NEB: variants seen among roughly 807,000 people sequenced by gnomAD.
NEB encodes the protein nebulin, also known as nemaline myopathy type 2.
A neutral mutation model predicts 952.2 loss-of-function variants in NEB; 512 were observed. The observed-to-expected ratio is 0.54, with a 90% CI of 0.50 to 0.58. The LOEUF is 0.58. Among genes scored for constraint, NEB ranks in the 20% least tolerant of loss-of-function variants. The pLI, the probability that NEB is intolerant of heterozygous loss-of-function variation, is 0.00. For synonymous variants in NEB, 2,900 were observed against 3,149.8 expected (o/e 0.92, Z 2.66); for missense variants, 8,428 against 9,231.1 (o/e 0.91, Z 3.56).
At chr2:151,591,913 A>G in intron 95 of NEB, 121 bp downstream of exon 95, 1 of 1,403,576 alleles carries the variant, frequency 7.1e-7, no homozygotes, top group Non-Finnish European at 9.9e-7. Context: ...ATTAACTTAA[A>G]GACTAGAAAT....
chr2:151,574,252 G>C (rs902371141), intron 107 of NEB, among the ~76,000 whole-genome samples: 1 of 152,200 alleles, frequency 6.6e-6, no homozygotes, highest in Admixed American at 6.5e-5. Context: ...GGGATTACAG[G>C]CGTGAGCCAT....
In NEB at chr2:151,684,780, C is replaced by T. The variant is rs549231016; in HGVS notation, c.2833G>A (p.Asp945Asn). 1.0e-5 allele frequency: 16 copies of T among 1,572,468 alleles called. No individual in the cohort carries two copies. In the East Asian group the frequency reaches 1.6e-4, roughly 16 times the overall value. Residue 945 changes from aspartate (D) to asparagine (N), a missense_variant and splice_region_variant, in exon 28 of 182, where the codon GAT becomes AAT. By Grantham distance (23) the Asp-to-Asn change is conservative (BLOSUM62 1). This residue lies in a region of NEB where 2,851 missense variants were observed against 2,791.5 expected (regional missense o/e 1.02). Coordinates refer to ENST00000397345, the MANE Select transcript of NEB (RefSeq NM_001164508.2). ...LAKKAYALQS[D>N]VEYKADYNSW... is the part of the protein sequence containing the mutation. ...CTACAGAAACCCTGGTTACTCACAT[C>T]GCTCTGCAGCGCATATGCCTTCTTG...
chr2:151,640,276 T>G, intron 61 of NEB, 79 bp downstream of exon 61: 1 of 1,566,746 alleles, frequency 6.4e-7, no homozygotes, highest in Non-Finnish European at 8.7e-7. Context: ...GGTGAGCTTG[T>G]GCCATATATT....
At chr2:151,521,787 T>A (rs2082141091) in intron 153 of NEB, among the ~76,000 whole-genome samples, 1 of 152,226 alleles carries the variant, frequency 6.6e-6, no homozygotes, top group South Asian at 2.1e-4. Context: ...GGCTCCCTTC[T>A]CCATAGGAAG....
chr2:151,647,052 T>G (rs1226565548), intron 54 of NEB, among the ~76,000 whole-genome samples: 1 of 151,706 alleles, frequency 6.6e-6, no homozygotes, highest in African/African-American at 2.4e-5. Flanking sequence ...GCCATCCTTA[T>G]GTCTCTTCAA....
chr2:151,662,057 A>C, intron 46 of NEB, 78 bp downstream of exon 46: 1 of 1,333,246 alleles, frequency 7.5e-7, no homozygotes, highest in Non-Finnish European at 1.0e-6. Flanking sequence ...CTGTATTAGC[A>C]AAACCTGTGG....
chr2:151,562,660 T>A lies in NEB; in HGVS notation c.18842A>T (p.Glu6281Val), dbSNP rs768965998. 1 of 1,598,878 alleles carries A rather than the reference T, an allele frequency of 6.3e-7. No homozygotes were observed. Among genetic ancestry groups the A allele is most frequent in the Non-Finnish European group, 8.6e-7 (1 of 1,168,248 alleles). Residue 6281 changes from glutamate (E) to valine (V), a missense_variant, in exon 120 of 182, where the codon GAA becomes GTA. Transcript: ENST00000397345. ...HYFHQWTSLLEEPNVIRVRNA... is the reference protein window; with the variant it reads ...HYFHQWTSLLVEPNVIRVRNA... ...TCGGACGCGTATAACATTGGGTTCTTCCAGAAGAGACGTCCACTGGTGGAA... is the reference window on the plus strand; with the variant it reads ...TCGGACGCGTATAACATTGGGTTCTACCAGAAGAGACGTCCACTGGTGGAA...
chr2:151,539,601 T>C (rs1489826440), intron 138 of NEB, among the ~76,000 whole-genome samples: 1 of 152,204 alleles, frequency 6.6e-6, no homozygotes, highest in Non-Finnish European at 1.5e-5. Flanking sequence ...TGGTAATGGG[T>C]ACAGTGAATT....
In NEB at chr2:151,643,361, T is replaced by C. The variant is rs780560085; in HGVS notation, c.7957-8A>G. 1.9e-6 allele frequency: 3 copies of C among 1,592,396 alleles called. No homozygotes were observed. Among genetic ancestry groups the C allele is most frequent in the Non-Finnish European group, 2.6e-6 (3 of 1,166,228 alleles). On this transcript the variant is annotated splice_region_variant and splice_polypyrimidine_tract_variant and intron_variant, in intron 57 of 181. Transcript: ENST00000397345. Reference sequence around the variant, plus strand: ...GTCTGACTTGTACAAATTCTGAAAGTGCAAGTGACAAATTTGTCATAATTA... The same window carrying C: ...GTCTGACTTGTACAAATTCTGAAAGCGCAAGTGACAAATTTGTCATAATTA...
At chr2:151,531,646 C>T in intron 144 of NEB, 146 bp downstream of exon 144, 1 of 666,548 alleles carries the variant, frequency 1.5e-6, no homozygotes, top group Non-Finnish European at 2.7e-6. Context: ...GAGGAGAATC[C>T]TGTGCATAAC....
At chr2:151,529,511 A>G (rs910014481) in intron 145 of NEB, among the ~76,000 whole-genome samples, 197 bp from the exon 146 acceptor site, 5 of 151,806 alleles carry the variant, frequency 3.3e-5, no homozygotes, top group African/African-American at 7.3e-5. Context: ...CACACTGACT[A>G]TGGTCATCAG....
intron 179 of NEB, among the ~76,000 whole-genome samples, chr2:151,491,021 G>A (rs1465972603): frequency 6.7e-6 from 1 of 148,620 alleles, no homozygotes; most frequent in Non-Finnish European, 1.5e-5. Context: ...TTTGAGGACT[G>A]TCTCTACATA....
At chr2:151,515,866 GT>G (rs569214142) in intron 157 of NEB, among the ~76,000 whole-genome samples, 110 of 152,274 alleles carry the variant, frequency 7.2e-4, no homozygotes, top group Admixed American at 1.4e-3. Flanking sequence ...TTTCTTTATA[GT>G]TGGAGGAAGA....
chr2:151,682,879 T>C, intron 28 of NEB, 110 bp from the exon 29 acceptor site: 1 of 868,200 alleles, frequency 1.2e-6, no homozygotes, highest in Admixed American at 2.5e-5. Context: ...CCAGCTTCCT[T>C]ACTCCAGACA....
chr2:151,501,277 A>G lies in NEB; in HGVS notation c.24021+114T>C, dbSNP rs2064286251. 7.3e-6 allele frequency: 5 copies of G among 689,634 alleles called. 1 individual carries two copies. In the South Asian group the frequency reaches 1.1e-4, roughly 15 times the overall value. 42.7% of individuals were successfully genotyped at this position (689,634 alleles called of 1,614,324 possible). On this transcript the variant is annotated intron_variant, in intron 168 of 181. Coordinates refer to ENST00000397345, the MANE Select transcript of NEB (RefSeq NM_001164508.2). ...AAAACAGAAGGATTCAGTTGATGTGATTAAAAAAAGATTTTGTTAAATTGA... is the reference window on the plus strand; with the variant it reads ...AAAACAGAAGGATTCAGTTGATGTGGTTAAAAAAAGATTTTGTTAAATTGA...
intron 181 of NEB, among the ~76,000 whole-genome samples, chr2:151,487,734 A>G (rs1024915640): frequency 6.6e-6 from 1 of 152,098 alleles, no homozygotes; most frequent in Non-Finnish European, 1.5e-5. Context: ...GTCAAATGGC[A>G]TGTGTGTTTA....
rs1463998946 is a variant in NEB, at chr2:151,525,851, A to T, written c.22161+107T>A. On this transcript the variant is annotated intron_variant, in intron 150 of 181. Transcript: ENST00000397345. ...AGATTCACATGTAGATATTGATGGT[A>T]AGAGTGAAGCTACATAAAGGAAGCA... is the stretch of plus-strand genomic sequence containing the variant. 8 of 843,908 alleles carry T rather than the reference A, an allele frequency of 9.5e-6. No homozygotes were observed. In the African/African-American group the frequency reaches 9.9e-5, roughly 10 times the overall value. The allele number at this position is 843,908 out of a possible 1,614,324, so 52.3% of individuals were successfully genotyped here.
intron 156 of NEB, among the ~76,000 whole-genome samples, chr2:151,517,460 G>A (rs2078429447): frequency 6.6e-6 from 1 of 152,194 alleles, no homozygotes; most frequent in Admixed American, 6.5e-5. Flanking sequence ...CTGAATTTGT[G>A]ATATAGGAGG....
intron 24 of NEB, among the ~76,000 whole-genome samples, chr2:151,688,676 A>G (rs995837334): frequency 1.3e-5 from 2 of 152,286 alleles, no homozygotes; most frequent in African/African-American, 4.8e-5. Flanking sequence ...TTTCCTATAC[A>G]TATATACCTG....
Sources: allele counts gnomAD v4.1 joint callset (sites outside exome capture counted in the v4.1 genomes callset), GRCh38; gene constraint gnomAD v4.1.1; regional missense constraint gnomAD v4.1.1; transcripts MANE v1.5; gene names NCBI Gene and HGNC (gene_info 2026-07-23, HGNC 2026-07-21).